The following RP1 variants were observed in gnomAD, a reference collection of about 807,000 sequenced individuals.
RP1 encodes RP1 axonemal microtubule associated, also known as oxygen-regulated protein 1.
A neutral mutation model predicts 14.8 loss-of-function variants in RP1; 16 were observed. The ratio of observed to expected loss-of-function variants is 1.08; its 90% CI spans 0.73 to 1.65. The LOEUF (loss-of-function observed/expected upper bound fraction) is 1.65, where lower values mean the gene tolerates loss of function less well. Among genes scored for constraint, RP1 ranks in the 40% most tolerant of loss-of-function variants. The probability of loss-of-function intolerance (pLI) is 0.00; values close to 1 mark genes in which losing one functional copy is unlikely to be tolerated. For synonymous variants in RP1, 876 were observed against 883.6 expected (o/e 0.99, Z 0.15); for missense variants, 2,631 against 2,535.0 (o/e 1.04, Z -0.81).
In RP1 at chr8:54,627,279, C is replaced by A; in HGVS notation, c.3397C>A (p.Leu1133Ile). The change falls in exon 4 of 4, where the codon CTC becomes ATC. Residue 1133 changes from leucine (L) to isoleucine (I), a missense_variant. Leu to Ile is a conservative substitution (Grantham distance 5). Transcript: ENST00000220676. ...ATCCACTAATCTCCTTCTAGCTTGGCTCTTGGTGCTAAACCTAAAGGGAAG... is the reference window on the plus strand; with the variant it reads ...ATCCACTAATCTCCTTCTAGCTTGGATCTTGGTGCTAAACCTAAAGGGAAG... The part of the protein sequence containing the change: ...NSSTNLLLAW[L>I]LVLNLKGSMN... 1 of 1,614,120 alleles carries A rather than the reference C, an allele frequency of 6.2e-7. No homozygotes were observed. Among genetic ancestry groups the A allele is most frequent in the Non-Finnish European group, 8.5e-7 (1 of 1,179,982 alleles).
In RP1 at chr8:54,628,469, T is replaced by C. The variant is rs1257630652; in HGVS notation, c.4587T>C (p.Ser1529=). The part of the protein sequence containing the change: ...RMNGIIYEII[S]KRLATPPSLD... ...ACGGTATAATTTATGAAATAATCAG[T>C]AAGAGGCTGGCAACACCACCATCTT... The change falls in exon 4 of 4, where the codon AGT becomes AGC. Residue 1529 remains serine (S), a synonymous_variant. Transcript: ENST00000220676. 1 of 1,613,456 alleles carries C rather than the reference T, an allele frequency of 6.2e-7. No individual in the cohort carries two copies. The highest frequency in any genetic ancestry group is 2.2e-5 in the East Asian group (1 of 44,864).
At chr8:54,792,969 C>T (rs1291626615) in intron 24 of RP1, among the ~76,000 whole-genome samples, 1 of 151,576 alleles carries the variant, frequency 6.6e-6, no homozygotes, top group Non-Finnish European at 1.5e-5. Context: ...AGTGGGAGAA[C>T]TCAGATAAAT....
At chr8:54,617,066 GAGA>G (rs747159468) in intron 1 of RP1, among the ~76,000 whole-genome samples, 11 of 152,214 alleles carry the variant, frequency 7.2e-5, no homozygotes, top group Admixed American at 1.3e-4. Context: ...AGTCTCTGCA[GAGA>G]AGAAGAGACG....
At position 54,851,051 on chromosome 8, in the gene RP1, G is replaced by T. The variant is rs547318670; in HGVS notation, c.3836-1523G>T. Among the ~76,000 whole-genome samples the T allele has an allele frequency of 2.0e-4, 29 of 148,716 alleles. 1 individual carries two copies. The East Asian group carries it at 4.5e-3, about 23-fold the overall frequency. ...TTATTTAGATGGCAAGTACACGTAC[G>T]TGTGTGTGTGTGTGTGCGTGCATGT... On this transcript the variant is annotated intron_variant, in intron 25 of 28. Transcript: ENST00000637698.
intron 1 of RP1, among the ~76,000 whole-genome samples, chr8:54,559,889 T>TGG (rs1266088937): frequency 6.6e-6 from 1 of 152,042 alleles, no homozygotes; most frequent in Non-Finnish European, 1.5e-5. Context: ...TGAGATGGGG[T>TGG]GGGGACATAT....
Position 54,754,748 on chromosome 8 carries a change from G to T in RP1, c.2809-55G>T. 3 of 1,448,392 alleles carry T rather than the reference G, an allele frequency of 2.1e-6. No homozygotes were observed. The East Asian group carries it at 7.7e-5, about 37-fold the overall frequency. 89.7% of individuals were successfully genotyped at this position (1,448,392 alleles called of 1,614,324 possible). A position where few individuals can be genotyped will look rare whatever the true frequency, so the allele number is the denominator to read the frequency against. ...CCCTGGGATGCATTGTGAATTCCAA[G>T]TTCTTTGAGAAATTGGAGATGACAC... On this transcript the variant is annotated intron_variant, in intron 19 of 22. Coordinates refer to the RP1 transcript ENST00000636932.
At chr8:54,603,562 C>T (rs1158136234) in intron 1 of RP1, among the ~76,000 whole-genome samples, 1 of 135,376 alleles carries the variant, frequency 7.4e-6, no homozygotes, top group African/African-American at 2.6e-5. Context: ...TAGTTTTTTC[C>T]AATTCTGTGA....
chr8:54,594,332 C>A (rs1323169395), intron 1 of RP1, among the ~76,000 whole-genome samples: 7 of 152,154 alleles, frequency 4.6e-5, no homozygotes, highest in Non-Finnish European at 8.8e-5. Context: ...TGGTCTGAGG[C>A]TGGCAAGGAA....
chr8:54,826,994 G>A (rs762841641), intron 24 of RP1, among the ~76,000 whole-genome samples: 17 of 152,244 alleles, frequency 1.1e-4, no homozygotes, highest in South Asian at 2.1e-4. Context: ...AATGACTTAC[G>A]TATCTAAACA....
At chr8:54,806,015 T>A (rs957936383) in intron 24 of RP1, among the ~76,000 whole-genome samples, 12 of 152,196 alleles carry the variant, frequency 7.9e-5, no homozygotes, top group African/African-American at 2.2e-4. Context: ...ATTATTTTTA[T>A]TTTTATTTTC....
chr8:54,850,678 G>A (rs543231854), intron 25 of RP1, among the ~76,000 whole-genome samples: 2 of 152,202 alleles, frequency 1.3e-5, no homozygotes, highest in Admixed American at 6.5e-5. Context: ...CTCCCTTTGG[G>A]TTAAGTTAGA....
chr8:54,565,534 G>C (rs1191696879), intron 1 of RP1, among the ~76,000 whole-genome samples: 1 of 152,170 alleles, frequency 6.6e-6, no homozygotes, highest in African/African-American at 2.4e-5. Flanking sequence ...CTGGCCCAAA[G>C]CCCTTTATAC....
At chr8:54,704,316 T>C (rs914695651) in intron 14 of RP1, among the ~76,000 whole-genome samples, 1 of 152,178 alleles carries the variant, frequency 6.6e-6, no homozygotes, top group Non-Finnish European at 1.5e-5. Context: ...TTGTTGTGTC[T>C]GAGGGAATAG....
chr8:54,592,400 A>G (rs1431103028), intron 1 of RP1, among the ~76,000 whole-genome samples: 1 of 152,186 alleles, frequency 6.6e-6, no homozygotes, highest in Non-Finnish European at 1.5e-5. Context: ...CTGGTGGGAA[A>G]GTAGCAAGAG....
chr8:54,567,919 T>G (rs2039697142), intron 1 of RP1, among the ~76,000 whole-genome samples: 1 of 152,226 alleles, frequency 6.6e-6, no homozygotes, highest in Admixed American at 6.5e-5. Flanking sequence ...CAGATAATTT[T>G]GGCTTCAAAC....
chr8:54,575,190 A>G (rs1033812566), intron 1 of RP1, among the ~76,000 whole-genome samples: 1 of 152,178 alleles, frequency 6.6e-6, no homozygotes, highest in East Asian at 1.9e-4. Flanking sequence ...GTAGATACAA[A>G]TCCTTCACCC....
intron 1 of RP1, among the ~76,000 whole-genome samples, chr8:54,586,175 G>GTT (rs1326075668): frequency 2.6e-5 from 4 of 152,168 alleles, no homozygotes; most frequent in Non-Finnish European, 4.4e-5. Flanking sequence ...ATGGGGTTTT[G>GTT]GTGTGGATGT....
In RP1 at chr8:54,834,259, G is replaced by A. The variant is rs901130326; in HGVS notation, c.3616-3191G>A. On this transcript the variant is annotated intron_variant, in intron 24 of 28. Transcript: ENST00000637698. ...ATCATAACTCTAGATAATCAAATGC[G>A]TGAGAAATCTGCTCCCTCTGAAAGT... 5.3e-5 allele frequency among the ~76,000 whole-genome samples: 8 copies of A among 152,160 alleles called. No individual in the cohort carries two copies. The South Asian group carries it at 6.2e-4, about 12-fold the overall frequency.
At chr8:54,603,719 A>T (rs920234214) in intron 1 of RP1, among the ~76,000 whole-genome samples, 1 of 152,132 alleles carries the variant, frequency 6.6e-6, no homozygotes, top group Non-Finnish European at 1.5e-5. Context: ...TTCATTGAGC[A>T]GTGGTTTGTA....
Sources: gnomAD v4.1 joint callset for allele counts (sites outside exome capture counted in the v4.1 genomes callset) on GRCh38, gnomAD v4.1.1 for gene constraint, MANE v1.5 for transcripts, NCBI Gene and HGNC (gene_info 2026-07-23, HGNC 2026-07-21) for gene names.